ANGPT1: variants seen among roughly 807,000 people sequenced by gnomAD.
ANGPT1 encodes angiopoietin-1.
Under a neutral mutation model 62.2 loss-of-function variants are expected in ANGPT1, and 17 were observed. The ratio of observed to expected loss-of-function variants is 0.27; its 90% CI spans 0.19 to 0.41. The LOEUF is 0.41. Ranked by LOEUF, ANGPT1 falls within the 10% of genes least tolerant of loss-of-function variation. The probability of loss-of-function intolerance (pLI) is 1.00; values close to 1 mark genes in which losing one functional copy is unlikely to be tolerated. For missense variants in ANGPT1, 478 were observed against 594.9 expected, an observed-to-expected ratio of 0.80 and a Z score of 2.04; for synonymous variants, 199 against 198.9, an observed-to-expected ratio of 1.00 and a Z score of 0.00.
At chr8:107,401,852 A>C (rs1817053404) in intron 1 of ANGPT1, among the ~76,000 whole-genome samples, 1 of 152,176 alleles carries the variant, frequency 6.6e-6, no homozygotes, top group Admixed American at 6.5e-5. Flanking sequence ...TCAGTGTGTA[A>C]AGATCTAAAA....
At chr8:107,305,520 G>A (rs1472033085) in intron 4 of ANGPT1, among the ~76,000 whole-genome samples, 2 of 151,678 alleles carry the variant, frequency 1.3e-5, no homozygotes, top group South Asian at 2.1e-4. Context: ...TTTAGTAACC[G>A]AGAAAAAAGG....
intron 1 of ANGPT1, among the ~76,000 whole-genome samples, chr8:107,423,811 CT>C (rs1810960036): frequency 7.1e-6 from 1 of 141,218 alleles, no homozygotes; most frequent in Non-Finnish European, 1.5e-5. Context: ...TTTCAGGTAC[CT>C]TTTCCTTTTC....
At chr8:107,326,215 T>C (rs1815285061) in intron 3 of ANGPT1, among the ~76,000 whole-genome samples, 1 of 152,060 alleles carries the variant, frequency 6.6e-6, no homozygotes. Context: ...GCACAGACAT[T>C]CCACAGGATT....
intron 2 of ANGPT1, 39 bp from the exon 3 acceptor site, chr8:107,336,310 C>A: frequency 6.5e-7 from 1 of 1,548,024 alleles, no homozygotes; most frequent in African/African-American, 1.4e-5. Flanking sequence ...ACTTCAGTCA[C>A]GAATCAAAGA....
At chr8:107,489,373 A>C (rs1164604037) in intron 1 of ANGPT1, among the ~76,000 whole-genome samples, 2 of 152,204 alleles carry the variant, frequency 1.3e-5, no homozygotes, top group African/African-American at 4.8e-5. Flanking sequence ...ACCTCTAATA[A>C]GTGACCTGCA....
intron 7 of ANGPT1, chr8:107,284,414 C>G (rs1814089360): frequency 4.5e-6 from 1 of 221,734 alleles, no homozygotes; most frequent in African/African-American, 2.3e-5. Context: ...TGCATGATAA[C>G]CACAGAACAA....
intron 1 of ANGPT1, 72 bp downstream of exon 1, chr8:107,497,190 G>A (rs1813125959): frequency 1.3e-6 from 2 of 1,506,428 alleles, no homozygotes; most frequent in Admixed American, 1.8e-5. Flanking sequence ...CTCCCCTAAG[G>A]AACTTTAAGT....
intron 7 of ANGPT1, among the ~76,000 whole-genome samples, chr8:107,268,151 T>C (rs1813656878): frequency 6.6e-6 from 1 of 152,116 alleles, no homozygotes; most frequent in African/African-American, 2.4e-5. Context: ...TTGAACAGTC[T>C]CTGAGATAGA....
At chr8:107,400,609 G>A (rs544880628) in intron 1 of ANGPT1, among the ~76,000 whole-genome samples, 2 of 151,478 alleles carry the variant, frequency 1.3e-5, no homozygotes, top group African/African-American at 4.8e-5. Flanking sequence ...GCCCAAGCTG[G>A]AGTGCATTGT....
intron 3 of ANGPT1, among the ~76,000 whole-genome samples, chr8:107,325,672 C>A (rs1815269489): frequency 6.6e-6 from 1 of 152,104 alleles, no homozygotes. Flanking sequence ...TATTCTTACT[C>A]TAGGGTTTAT....
At chr8:107,279,441 G>T (rs902810542) in intron 7 of ANGPT1, among the ~76,000 whole-genome samples, 8 of 152,144 alleles carry the variant, frequency 5.3e-5, no homozygotes, top group Admixed American at 4.6e-4. Context: ...TGTGTTTTGG[G>T]TTTATTTAAT....
chr8:107,281,532 A>T (rs923764009), intron 7 of ANGPT1, among the ~76,000 whole-genome samples: 1 of 152,098 alleles, frequency 6.6e-6, no homozygotes, highest in Non-Finnish European at 1.5e-5. Flanking sequence ...TAATCCCAGC[A>T]CTTTGGGAGG....
intron 4 of ANGPT1, among the ~76,000 whole-genome samples, chr8:107,318,655 G>T (rs1385983567): frequency 6.6e-6 from 1 of 152,060 alleles, no homozygotes; most frequent in East Asian, 1.9e-4. Flanking sequence ...ACTTGTTTAT[G>T]TATGTATTTA....
At chr8:107,481,096 CCTT>C (rs1415040445) in intron 1 of ANGPT1, among the ~76,000 whole-genome samples, 6 of 152,182 alleles carry the variant, frequency 3.9e-5, no homozygotes, top group African/African-American at 1.4e-4. Context: ...TCAGCAGAGT[CCTT>C]CTTCACAACC....
chr8:107,263,763 G>C (rs73700086), intron 8 of ANGPT1, among the ~76,000 whole-genome samples: 2,362 of 152,100 alleles, frequency 0.016, 55 homozygotes, highest in African/African-American at 0.054. Flanking sequence ...TGGTATAGCT[G>C]GTCTGAACTG....
At chr8:107,379,919 C>T (rs1182256177) in intron 1 of ANGPT1, among the ~76,000 whole-genome samples, 1 of 152,220 alleles carries the variant, frequency 6.6e-6, no homozygotes, top group African/African-American at 2.4e-5. Flanking sequence ...CAAGAAACCA[C>T]TAACCAGATG....
intron 1 of ANGPT1, among the ~76,000 whole-genome samples, chr8:107,453,182 G>A (rs1288206285): frequency 6.6e-6 from 1 of 151,900 alleles, no homozygotes; most frequent in Non-Finnish European, 1.5e-5. Flanking sequence ...AGTATTATTT[G>A]GACCTCTGTA....
intron 1 of ANGPT1, among the ~76,000 whole-genome samples, chr8:107,369,955 T>C (rs1816348455): frequency 6.6e-6 from 1 of 151,784 alleles, no homozygotes; most frequent in African/African-American, 2.4e-5. Flanking sequence ...CTGGGCAATA[T>C]AGAGAGACTC....
chr8:107,257,924 CTT>C (rs1491334899), intron 8 of ANGPT1, among the ~76,000 whole-genome samples: 5 of 35,944 alleles, frequency 1.4e-4, no homozygotes, highest in Admixed American at 3.1e-4. Context: ...ACTGTTCTTT[CTT>C]TCTCTCTCTC....
Sources: gnomAD v4.1 joint callset for allele counts (sites outside exome capture counted in the v4.1 genomes callset) on GRCh38, gnomAD v4.1.1 for gene constraint, MANE v1.5 for transcripts, NCBI Gene and HGNC (gene_info 2026-07-23, HGNC 2026-07-21) for gene names.